Variants in CPA6 observed in about 807,000 individuals in gnomAD.
The protein encoded by CPA6 is carboxypeptidase B.
A neutral mutation model predicts 63.3 loss-of-function variants in CPA6; 58 were observed. The ratio of observed to expected loss-of-function variants is 0.92; its 90% CI spans 0.74 to 1.14. CPA6 has a LOEUF of 1.14. CPA6 is among the 50% of genes most tolerant of loss of function. The pLI is 0.00. For missense variants in CPA6, 565 were observed against 526.6 expected, an observed-to-expected ratio of 1.07 and a Z score of -0.71; for synonymous variants, 185 against 179.0, an observed-to-expected ratio of 1.03 and a Z score of -0.27.
chr8:67,552,789 A>AAAAAG (rs1563997420), intron 2 of CPA6, among the ~76,000 whole-genome samples: 1 of 149,648 alleles, frequency 6.7e-6, no homozygotes, highest in African/African-American at 2.4e-5. Flanking sequence ...AAAAAAAAAA[A>AAAAAG]AAAAAAAAAA....
chr8:67,493,801 T>G (rs1811654393), intron 6 of CPA6, among the ~76,000 whole-genome samples: 1 of 152,140 alleles, frequency 6.6e-6, no homozygotes, highest in Admixed American at 6.6e-5. Flanking sequence ...TCTTTTTTTT[T>G]GTACTGCTGC....
At chr8:67,672,584 CT>C (rs1816373264) in intron 1 of CPA6, among the ~76,000 whole-genome samples, 1 of 152,190 alleles carries the variant, frequency 6.6e-6, no homozygotes, top group Admixed American at 6.5e-5. Flanking sequence ...ACCCTAGGGT[CT>C]TCCAGAATAC....
At chr8:67,725,679 C>A (rs1279837408) in intron 1 of CPA6, among the ~76,000 whole-genome samples, 1 of 152,076 alleles carries the variant, frequency 6.6e-6, no homozygotes, top group Non-Finnish European at 1.5e-5. Context: ...TGCCACTGTG[C>A]CTGGGTTTTA....
chr8:67,496,998 A>C (rs1811734155), intron 6 of CPA6, among the ~76,000 whole-genome samples: 1 of 152,152 alleles, frequency 6.6e-6, no homozygotes, highest in Admixed American at 6.5e-5. Context: ...TTGCATATGT[A>C]TGGAATCAGG....
intron 8 of CPA6, among the ~76,000 whole-genome samples, chr8:67,442,025 A>G (rs1041103326): frequency 6.6e-6 from 1 of 152,188 alleles, no homozygotes; most frequent in African/African-American, 2.4e-5. Context: ...TGAATTAAGA[A>G]GTTTTTAGTA....
At chr8:67,688,783 C>A (rs1447067971) in intron 1 of CPA6, among the ~76,000 whole-genome samples, 2 of 151,948 alleles carry the variant, frequency 1.3e-5, no homozygotes, top group Non-Finnish European at 2.9e-5. Flanking sequence ...TTCTGTCCAC[C>A]CATTCCCTTA....
intron 6 of CPA6, among the ~76,000 whole-genome samples, chr8:67,488,324 G>A (rs1811528903): frequency 6.6e-6 from 1 of 152,152 alleles, no homozygotes; most frequent in African/African-American, 2.4e-5. Context: ...TTTCCCCATT[G>A]CTTGTTTTTG....
intron 2 of CPA6, among the ~76,000 whole-genome samples, chr8:67,523,104 C>A (rs970425630): frequency 2.0e-5 from 3 of 152,236 alleles, no homozygotes; most frequent in African/African-American, 7.2e-5. Flanking sequence ...CACTTGTAGG[C>A]TGTTTTACTG....
intron 2 of CPA6, among the ~76,000 whole-genome samples, chr8:67,535,534 C>T (rs1196536778): frequency 2.0e-5 from 3 of 152,114 alleles, no homozygotes; most frequent in Non-Finnish European, 4.4e-5. Context: ...TGTTCATATC[C>T]TTTGCCCACT....
At chr8:67,520,601 T>A (rs1812239248) in intron 2 of CPA6, among the ~76,000 whole-genome samples, 1 of 152,176 alleles carries the variant, frequency 6.6e-6, no homozygotes, top group Non-Finnish European at 1.5e-5. Context: ...GGGACAGTAA[T>A]TACCATCTGA....
At chr8:67,433,521 T>G (rs1810075147) in intron 9 of CPA6, among the ~76,000 whole-genome samples, 1 of 152,216 alleles carries the variant, frequency 6.6e-6, no homozygotes, top group African/African-American at 2.4e-5. Flanking sequence ...CTTAGTAGCA[T>G]TAAGCAAATA....
chr8:67,454,848 T>G (rs576927313), intron 8 of CPA6, among the ~76,000 whole-genome samples: 1 of 152,264 alleles, frequency 6.6e-6, no homozygotes, highest in African/African-American at 2.4e-5. Context: ...AAGGACCTCA[T>G]AAATCTAGAA....
intron 2 of CPA6, among the ~76,000 whole-genome samples, chr8:67,581,353 C>T (rs181201129): frequency 2.6e-5 from 4 of 152,026 alleles, no homozygotes; most frequent in South Asian, 2.1e-4. Flanking sequence ...GGGGACTAGC[C>T]GTAATGTACA....
chr8:67,515,181 G>A (rs1185745633), intron 3 of CPA6, among the ~76,000 whole-genome samples: 1 of 152,198 alleles, frequency 6.6e-6, no homozygotes, highest in Non-Finnish European at 1.5e-5. Context: ...GGTAGTTGGA[G>A]TGGTCACTTA....
intron 1 of CPA6, among the ~76,000 whole-genome samples, chr8:67,692,328 C>CAAAAAAAAA (rs55676882): frequency 2.2e-5 from 2 of 89,982 alleles, no homozygotes; most frequent in Non-Finnish European, 4.6e-5. Context: ...AATCCTGTCT[C>CAAAAAAAAA]AAAAAAAAAA....
At chr8:67,439,651 G>A (rs1307421070) in intron 8 of CPA6, among the ~76,000 whole-genome samples, 1 of 151,786 alleles carries the variant, frequency 6.6e-6, no homozygotes, top group Non-Finnish European at 1.5e-5. Context: ...CAGAGAACAG[G>A]AATACAGGAA....
chr8:67,664,634 A>G (rs1816188744), intron 1 of CPA6, among the ~76,000 whole-genome samples: 2 of 151,920 alleles, frequency 1.3e-5, no homozygotes, highest in Admixed American at 1.3e-4. Context: ...ATTTGGGCCT[A>G]AGACTGCAAG....
At chr8:67,611,950 A>G (rs1269390397) in intron 2 of CPA6, among the ~76,000 whole-genome samples, 1 of 152,238 alleles carries the variant, frequency 6.6e-6, no homozygotes, top group Non-Finnish European at 1.5e-5. Flanking sequence ...AATGCCAAAG[A>G]GTAGTAGTTC....
At chr8:67,695,062 C>T (rs1381562973) in intron 1 of CPA6, among the ~76,000 whole-genome samples, 1 of 152,102 alleles carries the variant, frequency 6.6e-6, no homozygotes, top group East Asian at 1.9e-4. Flanking sequence ...CTTGTGAATG[C>T]TTACCAAACA....
Sources: gnomAD v4.1 joint callset for allele counts (sites outside exome capture counted in the v4.1 genomes callset) on GRCh38, gnomAD v4.1.1 for gene constraint, MANE v1.5 for transcripts, NCBI Gene and HGNC (gene_info 2026-07-23, HGNC 2026-07-21) for gene names.